SLC11A2: variants seen among roughly 807,000 people sequenced by gnomAD.
SLC11A2 encodes solute carrier family 11 member 2.
SLC11A2 carries 38 observed loss-of-function variants against 68.0 expected under a neutral mutation model. The ratio of observed to expected loss-of-function variants is 0.56; its 90% CI spans 0.43 to 0.73. SLC11A2 has a LOEUF of 0.73. Among genes scored for constraint, SLC11A2 ranks in the 30% least tolerant of loss-of-function variants. The pLI is 0.00. For missense variants in SLC11A2, 517 were observed against 690.5 expected (o/e 0.75, Z 2.82); for synonymous variants, 242 against 250.6 (o/e 0.97, Z 0.32).
Position 50,986,262 on chromosome 12 carries a change from G to C in SLC11A2, c.*2063C>G. The C allele has an allele frequency of 1.6e-6, 2 of 1,284,964 alleles. No homozygotes were observed. The highest frequency in any genetic ancestry group is 2.5e-5 in the South Asian group (2 of 80,888). The allele number at this position is 1,284,964 out of a possible 1,614,324, so 79.6% of individuals were successfully genotyped here. Reference sequence around the variant, plus strand: ...CACACTGTCAAAACTCACTGGATATGCTGGAATTGGAGGACTTAAATTTCT... The same window carrying C: ...CACACTGTCAAAACTCACTGGATATCCTGGAATTGGAGGACTTAAATTTCT... On this transcript the variant is annotated 3_prime_UTR_variant, in exon 16 of 16. Transcript: ENST00000262052.
intron 1 of SLC11A2, among the ~76,000 whole-genome samples, chr12:51,021,931 A>G (rs546289520): frequency 6.6e-6 from 1 of 152,230 alleles, no homozygotes; most frequent in Admixed American, 6.5e-5. Flanking sequence ...AAACAAAAAT[A>G]TCACACATCA....
chr12:51,026,129 A>T, intron 1 of SLC11A2, 181 bp downstream of exon 1: 2 of 1,097,374 alleles, frequency 1.8e-6, no homozygotes, highest in Non-Finnish European at 2.2e-6. Flanking sequence ...CGACTCCATC[A>T]GTCCTGGACT....
chr12:50,979,296 G>A (rs766332983), downstream of SLC11A2: 1 of 152,548 alleles, frequency 6.6e-6, no homozygotes, highest in Non-Finnish European at 1.5e-5. Flanking sequence ...TCTGTGACCT[G>A]AACGGTACAC....
At chr12:51,014,439 A>G (rs769112562) in intron 1 of SLC11A2, among the ~76,000 whole-genome samples, 1 of 152,360 alleles carries the variant, frequency 6.6e-6, no homozygotes, top group East Asian at 1.9e-4. Context: ...TTCGTCTTCT[A>G]TCTGAAATCT....
chr12:50,976,930 A>G (rs1939856125), downstream of SLC11A2, among the ~76,000 whole-genome samples: 1 of 152,134 alleles, frequency 6.6e-6, no homozygotes, highest in South Asian at 2.1e-4. Flanking sequence ...TAGGAATCCA[A>G]CTTACAAGGG....
chr12:50,984,391 A>G (rs1348897965), downstream of SLC11A2, among the ~76,000 whole-genome samples: 1 of 152,216 alleles, frequency 6.6e-6, no homozygotes, highest in African/African-American at 2.4e-5. Flanking sequence ...GCTTAAGTAA[A>G]TAACAGCAAT....
the SLC11A2 span, among the ~76,000 whole-genome samples, chr12:50,970,254 C>G: frequency 2.0e-5 from 3 of 152,024 alleles, no homozygotes; most frequent in South Asian, 2.1e-4. Context: ...GAAAGGGCTC[C>G]TAGAGTTTTG....
chr12:51,003,052 A>T (rs994080792), intron 5 of SLC11A2, among the ~76,000 whole-genome samples: 2 of 151,986 alleles, frequency 1.3e-5, no homozygotes, highest in African/African-American at 4.8e-5. Context: ...CCTGGCCAAC[A>T]TGGTGAAACC....
intron 2 of SLC11A2, chr12:51,009,083 G>T: frequency 8.2e-7 from 1 of 1,226,154 alleles, no homozygotes; most frequent in Non-Finnish European, 1.2e-6. Flanking sequence ...CTAGCGAAAT[G>T]TCCTCCCCAC....
chr12:50,990,896 T>A lies in SLC11A2; in HGVS notation c.1474A>T (p.Met492Leu). The A allele has an allele frequency of 6.2e-7, 1 of 1,613,912 alleles. No individual in the cohort carries two copies. The change falls in exon 15 of 16, where the codon ATG becomes TTG. Residue 492 changes from methionine (M) to leucine (L), a missense_variant. Met to Leu is a conservative substitution (Grantham distance 15). Coordinates refer to ENST00000262052, the MANE Select transcript of SLC11A2 (RefSeq NM_000617.3). ...CGGACATAAACCACTACAAAGTACATATTGATGGAACAGATGATAAGGACC... is the reference window on the plus strand; with the variant it reads ...CGGACATAAACCACTACAAAGTACAAATTGATGGAACAGATGATAAGGACC... Reference protein sequence around the residue: ...ILVLIICSINMYFVVVYVRDL... With the variant: ...ILVLIICSINLYFVVVYVRDL...
At chr12:50,992,114 G>C in intron 13 of SLC11A2, 76 bp downstream of exon 13, 1 of 1,447,972 alleles carries the variant, frequency 6.9e-7, no homozygotes, top group Non-Finnish European at 9.7e-7. Flanking sequence ...CCAGCACTCA[G>C]CTAGGCTTGG....
downstream of SLC11A2, among the ~76,000 whole-genome samples, chr12:50,983,347 A>C (rs1366942686): frequency 6.6e-6 from 1 of 152,214 alleles, no homozygotes; most frequent in Non-Finnish European, 1.5e-5. Context: ...TTTGGCACCA[A>C]CAGCCTCTAA....
At chr12:51,028,762 A>G (rs1944473499), upstream of SLC11A2, among the ~76,000 whole-genome samples, 1 of 152,180 alleles carries the variant, frequency 6.6e-6, no homozygotes, top group African/African-American at 2.4e-5. Flanking sequence ...ACGTGGGTGG[A>G]AATGCTGCCT....
intron 3 of SLC11A2, chr12:51,006,316 A>G: frequency 6.1e-6 from 1 of 163,048 alleles, no homozygotes; most frequent in Non-Finnish European, 1.3e-5. Context: ...AAACAAACAA[A>G]CAAACAAACA....
chr12:51,004,925 T>C lies in SLC11A2; in HGVS notation c.310-18A>G. 1 of 1,613,720 alleles carries C rather than the reference T, an allele frequency of 6.2e-7. No homozygotes were observed. Among genetic ancestry groups the C allele is most frequent in the East Asian group, 2.2e-5 (1 of 44,872 alleles). ...CAGAGCAACTAAGAAGAACAAAATC[T>C]CCTGTAACACTCATTGAACAACTGA... On this transcript the variant is annotated intron_variant, in intron 4 of 15. Transcript: ENST00000262052.
chr12:50,969,937 C>G, the SLC11A2 span, among the ~76,000 whole-genome samples: 1 of 152,012 alleles, frequency 6.6e-6, no homozygotes, highest in East Asian at 1.9e-4. Flanking sequence ...TCTTCCTTAC[C>G]CTATTCCTTC....
Position 51,008,515 on chromosome 12 carries a change from G to C in SLC11A2, c.144C>G (p.Ala48=), listed in dbSNP as rs776744596. The part of the protein sequence containing the change: ...QSPGDSEEYF[A]TYFNEKISIP... ...TGGAGATCTTCTCATTAAAGTAAGT[G>C]GCGAAGTACTCCTCTGAGTCCCCAG... is the stretch of plus-strand genomic sequence containing the variant. The change falls in exon 3 of 16, where the codon GCC becomes GCG. Residue 48 remains alanine, a synonymous_variant. Transcript: ENST00000262052. The C allele has an allele frequency of 5.0e-6, 8 of 1,613,018 alleles. No homozygotes were observed. Among genetic ancestry groups the C allele is most frequent in the Admixed American group, 1.7e-5 (1 of 59,968 alleles).
intron 8 of SLC11A2, among the ~76,000 whole-genome samples, chr12:50,997,830 A>G (rs1463430428): frequency 6.6e-6 from 1 of 151,516 alleles, no homozygotes; most frequent in Non-Finnish European, 1.5e-5. Context: ...TCTACGAAAA[A>G]TACAAAAATT....
intron 1 of SLC11A2, among the ~76,000 whole-genome samples, chr12:51,018,553 G>C (rs1261662302): frequency 1.3e-5 from 2 of 151,310 alleles, no homozygotes; most frequent in Non-Finnish European, 2.9e-5. Context: ...CTAGCATTTT[G>C]GAAGGCCAAG....
Sources: gnomAD v4.1 joint callset for allele counts (sites outside exome capture counted in the v4.1 genomes callset) on GRCh38, gnomAD v4.1.1 for gene constraint, MANE v1.5 for transcripts, NCBI Gene and HGNC (gene_info 2026-07-23, HGNC 2026-07-21) for gene names.